The following IFI44L variants were observed in gnomAD, a reference collection of about 807,000 sequenced individuals.
The protein encoded by IFI44L is interferon induced protein 44 like.
A neutral mutation model predicts 39.3 loss-of-function variants in IFI44L; 40 were observed. That is an observed-to-expected ratio of 1.02 (90% CI 0.79 to 1.33). IFI44L has a LOEUF of 1.33. IFI44L is among the 40% of genes most tolerant of loss of function. The pLI is 0.00. For synonymous variants in IFI44L, 198 were observed against 182.3 expected (o/e 1.09, Z -0.69); for missense variants, 623 against 549.0 (o/e 1.13, Z -1.35).
Position 78,641,766 on chromosome 1 carries a change from C to G in IFI44L, c.1325-9C>G. On this transcript the variant is annotated splice_polypyrimidine_tract_variant and intron_variant, in intron 8 of 8. Transcript: ENST00000370751. ...GTTTCATTTCCACTCTTGTTTGTTT[C>G]ATTTTCAGGTGCAATTGAGAGAGCG... 1 of 1,613,636 alleles carries G rather than the reference C, an allele frequency of 6.2e-7. No individual in the cohort carries two copies. The highest frequency in any genetic ancestry group is 1.1e-5 in the South Asian group (1 of 91,076).
At chr1:78,627,629 G>A (rs928975314) in intron 1 of IFI44L, 31 of 207,972 alleles carry the variant, frequency 1.5e-4, no homozygotes, top group African/African-American at 6.6e-4. Context: ...GAAAAAATTT[G>A]CTGACTCTTA....
chr1:78,631,060 C>G (rs1234015435), intron 4 of IFI44L, among the ~76,000 whole-genome samples: 2 of 152,094 alleles, frequency 1.3e-5, no homozygotes, highest in African/African-American at 4.8e-5. Flanking sequence ...CAAAATTTCT[C>G]TTTCTTCCTT....
chr1:78,640,763 A>T (rs1001838171), intron 6 of IFI44L, among the ~76,000 whole-genome samples: 2 of 152,050 alleles, frequency 1.3e-5, no homozygotes, highest in East Asian at 1.9e-4. Context: ...AAAACAAACC[A>T]TTTGAATGGA....
Position 78,628,940 on chromosome 1 carries a change from A to G in IFI44L, c.479-11A>G, listed in dbSNP as rs1557684324. 6.6e-7 allele frequency: 1 copy of G among 1,509,350 alleles called. No individual in the cohort carries two copies. The highest frequency in any genetic ancestry group is 9.2e-7 in the Non-Finnish European group (1 of 1,089,622). 93.5% of individuals were successfully genotyped at this position (1,509,350 alleles called of 1,614,324 possible). On this transcript the variant is annotated splice_polypyrimidine_tract_variant and intron_variant, in intron 2 of 8. Transcript: ENST00000370751. Reference sequence around the variant, plus strand: ...TTTAAAAATGTATTATGCTATGTTTATTTCCTATAGGAATTAAGGATAACC... The same window carrying G: ...TTTAAAAATGTATTATGCTATGTTTGTTTCCTATAGGAATTAAGGATAACC...
In IFI44L at chr1:78,636,841, A is replaced by G. The variant is rs143227364; in HGVS notation, c.877-191A>G. ...AAAGCAATAAAGTGTTTTTTTTCCT[A>G]TAAGAGAGATATAATGGCATTATGC... is the stretch of plus-strand genomic sequence containing the variant. On this transcript the variant is annotated intron_variant, in intron 5 of 8. Coordinates refer to ENST00000370751, the MANE Select transcript of IFI44L (RefSeq NM_006820.4). 1,806 of 491,606 alleles carry G rather than the reference A, an allele frequency of 3.7e-3. 3 individuals carry two copies. Among genetic ancestry groups the G allele is most frequent in the South Asian group, 7.5e-3 (220 of 29,396 alleles). 30.5% of individuals were successfully genotyped at this position (491,606 alleles called of 1,614,324 possible).
chr1:78,637,752 C>G (rs139211631), intron 6 of IFI44L, among the ~76,000 whole-genome samples: 7 of 152,138 alleles, frequency 4.6e-5, no homozygotes, highest in African/African-American at 1.4e-4. Context: ...TTTGACTCAA[C>G]CTAATATCCT....
rs149543539 is a variant in IFI44L, at chr1:78,637,757, T to C, written c.1048+554T>C. On this transcript the variant is annotated intron_variant, in intron 6 of 8. Coordinates refer to ENST00000370751, the MANE Select transcript of IFI44L (RefSeq NM_006820.4). Reference sequence around the variant, plus strand: ...GACTGGCTTTTTTGACTCAACCTAATATCCTTTGACATCCATCCAAGATGT... The same window carrying C: ...GACTGGCTTTTTTGACTCAACCTAACATCCTTTGACATCCATCCAAGATGT... Among the ~76,000 whole-genome samples, 3 of 152,232 alleles carry C rather than the reference T, an allele frequency of 2.0e-5. No homozygotes were observed. In the East Asian group the frequency reaches 5.8e-4, roughly 29 times the overall value.
At chr1:78,622,266 G>A (rs1268133133) in intron 1 of IFI44L, among the ~76,000 whole-genome samples, 1 of 151,946 alleles carries the variant, frequency 6.6e-6, no homozygotes, top group Non-Finnish European at 1.5e-5. Flanking sequence ...TGATTTTACT[G>A]TTTTTATAGC....
chr1:78,625,898 AT>A (rs1396535805), intron 1 of IFI44L: 2 of 151,846 alleles, frequency 1.3e-5, no homozygotes, highest in Non-Finnish European at 1.5e-5. Flanking sequence ...TTCAAATTAT[AT>A]TTTTTATTTT....
intron 6 of IFI44L, among the ~76,000 whole-genome samples, chr1:78,638,470 G>A (rs1051310405): frequency 6.6e-6 from 1 of 151,874 alleles, no homozygotes; most frequent in Non-Finnish European, 1.5e-5. Context: ...TAGATATTTT[G>A]TTATAGTCTC....
At chr1:78,621,583 C>A (rs1005691662) in intron 1 of IFI44L, among the ~76,000 whole-genome samples, 2 of 151,970 alleles carry the variant, frequency 1.3e-5, no homozygotes, top group Non-Finnish European at 2.9e-5. Context: ...CTCCTATATT[C>A]TTTACCTTTC....
Position 78,641,518 on chromosome 1 carries a change from C to A in IFI44L, c.1233C>A (p.Asp411Glu), listed in dbSNP as rs745485562. The A allele has an allele frequency of 1.2e-6, 2 of 1,613,596 alleles. No individual in the cohort carries two copies. The highest frequency in any genetic ancestry group is 2.2e-5 in the South Asian group (2 of 91,064). The change falls in exon 8 of 9, where the codon GAC (aspartate) becomes GAA (glutamate). Residue 411 changes from aspartate (D) to glutamate (E), a missense_variant. Coordinates refer to ENST00000370751, the MANE Select transcript of IFI44L (RefSeq NM_006820.4). ...ATTATGCTTCAGATTTGGAACTGGA[C>A]CCCATGAAGGATATTCTCATCCTCT... ...VGNYASDLEL[D>E]PMKDILILSA...
intron 6 of IFI44L, among the ~76,000 whole-genome samples, chr1:78,639,966 G>C (rs1442962648): frequency 1.3e-5 from 2 of 152,070 alleles, no homozygotes; most frequent in African/African-American, 4.8e-5. Flanking sequence ...TTTATCTCCT[G>C]TTCTTCTAAA....
chr1:78,632,573 G>T (rs564625891), intron 4 of IFI44L, among the ~76,000 whole-genome samples: 20 of 152,096 alleles, frequency 1.3e-4, no homozygotes, highest in African/African-American at 4.6e-4. Flanking sequence ...TAAAAATGTC[G>T]CAGATTCCAC....
In IFI44L at chr1:78,641,579, T is replaced by G; in HGVS notation, c.1294T>G (p.Phe432Val). 13 of 1,613,630 alleles carry G rather than the reference T, an allele frequency of 8.1e-6. No homozygotes were observed. Among genetic ancestry groups the G allele is most frequent in the Non-Finnish European group, 1.1e-5 (13 of 1,179,652 alleles). Residue 432 changes from phenylalanine (F) to valine (V), a missense_variant, in exon 8 of 9, where the codon TTT (phenylalanine) becomes GTT (valine). By Grantham distance (50) the Phe-to-Val change is conservative. Coordinates refer to ENST00000370751, the MANE Select transcript of IFI44L (RefSeq NM_006820.4). The part of the protein sequence containing the change: ...LRQMLRAADD[F>V]LEDLPLEETG... Reference sequence around the variant, plus strand: ...GCAGATGCTGCGGGCTGCAGATGATTTTTTAGAAGATTTGCCTCTTGAGGA... The same window carrying G: ...GCAGATGCTGCGGGCTGCAGATGATGTTTTAGAAGATTTGCCTCTTGAGGA...
chr1:78,630,060 AC>A (rs1391355514), intron 4 of IFI44L, 145 bp downstream of exon 4: 1 of 764,524 alleles, frequency 1.3e-6, no homozygotes, highest in African/African-American at 1.7e-5. Flanking sequence ...GATCAGAACC[AC>A]CTCCATTGTG....
rs533790235 is a variant in IFI44L, at chr1:78,643,783, G to A, written c.*1974G>A. 25 of 151,678 alleles carry A rather than the reference G, an allele frequency of 1.6e-4. No homozygotes were observed. The highest frequency in any genetic ancestry group is 5.8e-4 in the East Asian group (3 of 5,148). The allele number at this position is 151,678 out of a possible 1,614,324, so 9.4% of individuals were successfully genotyped here. A position where few individuals can be genotyped will look rare whatever the true frequency, so the allele number is the denominator to read the frequency against. On this transcript the variant is annotated 3_prime_UTR_variant, in exon 9 of 9. Coordinates refer to ENST00000370751, the MANE Select transcript of IFI44L (RefSeq NM_006820.4). ...AGATAGAAACTTGATGTTTCTTAACGTTACATATATTATCTTATAGAAATA... is the reference window on the plus strand; with the variant it reads ...AGATAGAAACTTGATGTTTCTTAACATTACATATATTATCTTATAGAAATA...
chr1:78,630,102 ATG>A, intron 4 of IFI44L, 187 bp downstream of exon 4: 1 of 588,470 alleles, frequency 1.7e-6, no homozygotes, highest in South Asian at 2.2e-5. Context: ...TTCAAATTTT[ATG>A]GATGGAAGAA....
chr1:78,625,714 C>G (rs2100476587), intron 1 of IFI44L: 1 of 151,840 alleles, frequency 6.6e-6, no homozygotes, highest in Non-Finnish European at 1.5e-5. Context: ...TTTTTTCTGA[C>G]TTTTTGAAGT....
Sources: gnomAD v4.1 joint callset for allele counts (sites outside exome capture counted in the v4.1 genomes callset) on GRCh38, gnomAD v4.1.1 for gene constraint, MANE v1.5 for transcripts, NCBI Gene and HGNC (gene_info 2026-07-23, HGNC 2026-07-21) for gene names.